RFT1: variants seen among roughly 807,000 people sequenced by gnomAD.
RFT1 encodes man(5)GlcNAc(2)-PP-dolichol translocation protein RFT1.
Under a neutral mutation model 62.2 loss-of-function variants are expected in RFT1, and 43 were observed. The observed-to-expected ratio is 0.69, with a 90% CI of 0.54 to 0.89. RFT1 has a LOEUF of 0.89. Ranked by LOEUF, RFT1 falls within the 40% of genes least tolerant of loss-of-function variation. The pLI is 0.00. For synonymous variants in RFT1, 262 were observed against 264.6 expected (o/e 0.99, Z 0.10); for missense variants, 605 against 649.9 (o/e 0.93, Z 0.75).
intron 12 of RFT1, 35 bp downstream of exon 12, chr3:53,092,334 A>C: frequency 6.3e-7 from 1 of 1,583,164 alleles, no homozygotes; most frequent in Non-Finnish European, 8.6e-7. Flanking sequence ...GGGCAGCTGC[A>C]GAAGCATGTG....
chr3:53,126,063 A>C, intron 1 of RFT1, 69 bp from the exon 2 acceptor site: 1 of 1,244,522 alleles, frequency 8.0e-7, no homozygotes, highest in Non-Finnish European at 1.2e-6. Context: ...TGAAATGAGA[A>C]CAATGTGGCT....
downstream of RFT1, among the ~76,000 whole-genome samples, chr3:53,087,024 G>C (rs544446170): frequency 6.6e-6 from 1 of 152,150 alleles, no homozygotes; most frequent in African/African-American, 2.4e-5. Flanking sequence ...GATCACTTGC[G>C]GTCAGGAGTT....
At chr3:53,121,840 C>G in intron 4 of RFT1, 40 bp from the exon 5 acceptor site, 1 of 1,517,562 alleles carries the variant, frequency 6.6e-7, no homozygotes, top group Non-Finnish European at 9.1e-7. Context: ...CAAACATCAT[C>G]AAAAAGTCAA....
At position 53,099,494 on chromosome 3, in the gene RFT1, GA is replaced by G; in HGVS notation, c.1103-9del. On this transcript the variant is annotated splice_polypyrimidine_tract_variant and intron_variant, in intron 10 of 12. Transcript: ENST00000296292. Reference sequence around the variant, plus strand: ...AACGCAGCAAAACAGGACCTACAAGGAAACAACTCACTGAGACTCCAGAGCC... The same window carrying G: ...AACGCAGCAAAACAGGACCTACAAGGAACAACTCACTGAGACTCCAGAGCC... The G allele has an allele frequency of 6.2e-7, 1 of 1,611,418 alleles. No individual in the cohort carries two copies. Among genetic ancestry groups the G allele is most frequent in the Non-Finnish European group, 8.5e-7 (1 of 1,177,746 alleles).
At chr3:53,094,946 A>T (rs1223221601) in intron 11 of RFT1, among the ~76,000 whole-genome samples, 4 of 152,146 alleles carry the variant, frequency 2.6e-5, no homozygotes, top group African/African-American at 9.7e-5. Flanking sequence ...TTCAGGAAAA[A>T]ATGAGAATTT....
intron 2 of RFT1, among the ~76,000 whole-genome samples, chr3:53,125,464 C>A (rs1407208758): frequency 6.6e-6 from 1 of 152,026 alleles, no homozygotes; most frequent in Non-Finnish European, 1.5e-5. Context: ...TTGCCATATC[C>A]CAATTATAAA....
At chr3:53,092,643 G>A (rs367843399) in intron 11 of RFT1, 25 bp from the exon 12 acceptor site, 32 of 1,605,410 alleles carry the variant, frequency 2.0e-5, no homozygotes, top group Non-Finnish European at 2.6e-5. Context: ...GGAAAAGGAG[G>A]GCAGTGGTGA....
chr3:53,090,924 G>T lies in RFT1; in HGVS notation c.*979C>A, dbSNP rs1700970617. 1 of 152,222 alleles carries T rather than the reference G, an allele frequency of 6.6e-6. No homozygotes were observed. Among genetic ancestry groups the T allele is most frequent in the African/African-American group, 2.4e-5 (1 of 41,432 alleles). 9.4% of individuals were successfully genotyped at this position (152,222 alleles called of 1,614,324 possible). Reference sequence around the variant, plus strand: ...CTTGTCCTGGGGCTGGAATTTGGTTGTATTGATCAATGCTGGAATTAATGG... The same window carrying T: ...CTTGTCCTGGGGCTGGAATTTGGTTTTATTGATCAATGCTGGAATTAATGG... On this transcript the variant is annotated 3_prime_UTR_variant, in exon 13 of 13. Coordinates refer to ENST00000296292, the MANE Select transcript of RFT1 (RefSeq NM_052859.4).
At position 53,092,324 on chromosome 3, in the gene RFT1, G is replaced by A; in HGVS notation, c.1458+45C>T. The A allele has an allele frequency of 5.1e-6, 8 of 1,576,636 alleles. 1 individual carries two copies. The South Asian group carries it at 7.0e-5, about 14-fold the overall frequency. On this transcript the variant is annotated intron_variant, in intron 12 of 12. Coordinates refer to ENST00000296292, the MANE Select transcript of RFT1 (RefSeq NM_052859.4). ...AGGAGGCCTAGCGGGAGAGACAGCG[G>A]GGCAGCTGCAGAAGCATGTGGCATG...
In RFT1 at chr3:53,104,098, C is replaced by T; in HGVS notation, c.958-1G>A. 2.5e-6 allele frequency: 4 copies of T among 1,614,166 alleles called. No homozygotes were observed. Among genetic ancestry groups the T allele is most frequent in the Non-Finnish European group, 3.4e-6 (4 of 1,180,016 alleles). On this transcript the variant is annotated splice_acceptor_variant, in intron 9 of 12. Transcript: ENST00000296292. LOFTEE classifies it high-confidence loss of function. The stretch of plus-strand genomic sequence containing the variant: ...CTGCAGCAGCCACAGCAACGTCCTC[C>T]TGGGGCCAGGGAAGAGGGAAGGAAG...
At chr3:53,082,889 C>T in the RFT1 span, among the ~76,000 whole-genome samples, 16 of 152,202 alleles carry the variant, frequency 1.1e-4, no homozygotes, top group African/African-American at 3.6e-4. Context: ...AAACCCTGTT[C>T]GTGTACTTCA....
intron 7 of RFT1, among the ~76,000 whole-genome samples, chr3:53,110,520 C>T (rs1382910687): frequency 6.6e-6 from 1 of 152,112 alleles, no homozygotes; most frequent in Non-Finnish European, 1.5e-5. Flanking sequence ...TAAGGTTAGG[C>T]TGGAAACGTG....
At chr3:53,122,598 T>A (rs1424414739) in intron 3 of RFT1, 35 bp from the exon 4 acceptor site, 2 of 1,343,022 alleles carry the variant, frequency 1.5e-6, no homozygotes, top group East Asian at 2.6e-5. Context: ...CACTAAATTT[T>A]AAAATAAATA....
At chr3:53,128,553 C>T (rs1448685473) in intron 1 of RFT1, among the ~76,000 whole-genome samples, 4 of 152,180 alleles carry the variant, frequency 2.6e-5, no homozygotes, top group Non-Finnish European at 2.9e-5. Context: ...CACTCTGTTG[C>T]TCAGGCTGGA....
At position 53,122,527 on chromosome 3, in the gene RFT1, G is replaced by T; in HGVS notation, c.303C>A (p.Gly101=). The change falls in exon 4 of 13, where the codon GGC becomes GGA. Residue 101 remains glycine, a synonymous_variant. Transcript: ENST00000296292. ...PLGVFWSLFL[G]WIWLQLLEVP... ...CTTCAAGCAGCTGCAACCAGATCCA[G>T]CCCAGGAATAAGGACCAAAACACAC... is the stretch of plus-strand genomic sequence containing the variant. The T allele has an allele frequency of 1.2e-6, 2 of 1,613,468 alleles. No individual in the cohort carries two copies. Among genetic ancestry groups the T allele is most frequent in the Non-Finnish European group, 1.7e-6 (2 of 1,179,664 alleles).
chr3:53,105,574 C>A, intron 9 of RFT1, 99 bp downstream of exon 9: 1 of 1,418,500 alleles, frequency 7.0e-7, no homozygotes, highest in Admixed American at 1.7e-5. Flanking sequence ...TAAGAAAATT[C>A]CTGATCAAAC....
At chr3:53,069,797 C>T in the RFT1 span, among the ~76,000 whole-genome samples, 1 of 152,212 alleles carries the variant, frequency 6.6e-6, no homozygotes, top group African/African-American at 2.4e-5. Flanking sequence ...CTGCAGTGAG[C>T]TGTAACAGCA....
chr3:53,112,011 C>G (rs1320723498), intron 6 of RFT1, 103 bp from the exon 7 acceptor site: 2 of 856,532 alleles, frequency 2.3e-6, no homozygotes, highest in Non-Finnish European at 4.0e-6. Context: ...TAAATCCCAA[C>G]TTGGATAGTC....
chr3:53,129,417 T>G (rs192311004), intron 1 of RFT1, among the ~76,000 whole-genome samples: 2 of 152,272 alleles, frequency 1.3e-5, no homozygotes, highest in African/African-American at 4.8e-5. Context: ...AAGGCAGGCA[T>G]CTAGCAAGTG....
Sources: gnomAD v4.1 joint callset for allele counts (sites outside exome capture counted in the v4.1 genomes callset) on GRCh38, gnomAD v4.1.1 for gene constraint, MANE v1.5 for transcripts, NCBI Gene and HGNC (gene_info 2026-07-23, HGNC 2026-07-21) for gene names.